The following EPM2AIP1 variants were observed in gnomAD, a reference collection of about 807,000 sequenced individuals.
EPM2AIP1 encodes the protein EPM2A interacting protein 1, also known as EPM2A-interacting protein 1.
EPM2AIP1 carries 23 observed loss-of-function variants against 44.8 expected under a neutral mutation model. The observed-to-expected ratio is 0.51, with a 90% CI of 0.37 to 0.73. EPM2AIP1 has a LOEUF of 0.73. Ranked by LOEUF, EPM2AIP1 falls within the 30% of genes least tolerant of loss-of-function variation. EPM2AIP1 has a pLI of 0.00. For synonymous variants in EPM2AIP1, 311 were observed against 284.3 expected, an observed-to-expected ratio of 1.09 and a Z score of -0.94; for missense variants, 652 against 743.9, an observed-to-expected ratio of 0.88 and a Z score of 1.44.
At position 36,991,861 on chromosome 3, in the gene EPM2AIP1, G is replaced by C; in HGVS notation, c.1217C>G (p.Ala406Gly). The change falls in exon 1 of 1, where the codon GCT (alanine) becomes GGT (glycine). Residue 406 changes from alanine to glycine, a missense_variant. Coordinates refer to ENST00000322716, the MANE Select transcript of EPM2AIP1 (RefSeq NM_014805.4). The stretch of plus-strand genomic sequence containing the variant: ...AGTACAAATATGGTCAAAGGCAGCA[G>C]CAGCAAAGACTTTACTAACTCGTAA... ...EELRVSKVFA[A>G]AAFDHICTFE... 3 of 1,613,812 alleles carry C rather than the reference G, an allele frequency of 1.9e-6. No homozygotes were observed. The highest frequency in any genetic ancestry group is 2.5e-6 in the Non-Finnish European group (3 of 1,179,852).
Position 36,991,269 on chromosome 3 carries a change from A to C in EPM2AIP1, c.1809T>G (p.Asn603Lys). ...CTACAAAGCCTTATGGATTAGATTC[A>C]TTTCTTTCTCTCACAAGGTCATCCC... ...PGWDDLVRER[N>K]ESNP The change falls in exon 1 of 1, where the codon AAT (asparagine) becomes AAG (lysine). Residue 603 changes from asparagine to lysine, a missense_variant. Physicochemically the swap from Asn to Lys is moderately conservative, Grantham distance 94. Transcript: ENST00000322716. 6.2e-7 allele frequency: 1 copy of C among 1,606,534 alleles called. No individual in the cohort carries two copies. Among genetic ancestry groups the C allele is most frequent in the Non-Finnish European group, 8.5e-7 (1 of 1,175,320 alleles).
rs369240123 is a variant in EPM2AIP1, at chr3:36,991,094, GA to G, written c.*159del. Reference sequence around the variant, plus strand: ...TCAGTCCCATGCTGCCATTTGAGATGAAAAAAAAGGCAACTGTCAGAATTTT... The same window carrying G: ...TCAGTCCCATGCTGCCATTTGAGATGAAAAAAAGGCAACTGTCAGAATTTT... On this transcript the variant is annotated 3_prime_UTR_variant, in exon 1 of 1. Transcript: ENST00000322716. 4.7e-5 allele frequency: 63 copies of G among 1,336,806 alleles called. No individual in the cohort carries two copies. The highest frequency in any genetic ancestry group is 2.8e-4 in the Middle Eastern group (1 of 3,582). The allele number at this position is 1,336,806 out of a possible 1,614,324, so 82.8% of individuals were successfully genotyped here.
chr3:36,991,212 A>G lies in EPM2AIP1; in HGVS notation c.*42T>C. The G allele has an allele frequency of 5.3e-6, 8 of 1,509,946 alleles. No homozygotes were observed. The highest frequency in any genetic ancestry group is 7.1e-6 in the Non-Finnish European group (8 of 1,128,050). The allele number at this position is 1,509,946 out of a possible 1,614,324, so 93.5% of individuals were successfully genotyped here. ...ACTCAAACCAATTTTTGCTTTTAGA[A>G]TTAAATTCTTGTTGAGTTTTTCAAT... is the stretch of plus-strand genomic sequence containing the variant. On this transcript the variant is annotated 3_prime_UTR_variant, in exon 1 of 1. Coordinates refer to ENST00000322716, the MANE Select transcript of EPM2AIP1 (RefSeq NM_014805.4).
At position 36,988,269 on chromosome 3, in the gene EPM2AIP1, A is replaced by G. The variant is rs2125687501; in HGVS notation, c.*2985T>C. On this transcript the variant is annotated 3_prime_UTR_variant, in exon 1 of 1. Transcript: ENST00000322716. ...GACTAATAAGGAGGCTGTTGCTATA[A>G]TTTAGGTAGGTTGATGGCCTGAATT... 1 of 152,364 alleles carries G rather than the reference A, an allele frequency of 6.6e-6. No homozygotes were observed. Among genetic ancestry groups the G allele is most frequent in the East Asian group, 1.9e-4 (1 of 5,194 alleles). 9.4% of individuals were successfully genotyped at this position (152,364 alleles called of 1,614,324 possible).
chr3:36,988,431 C>G lies in EPM2AIP1; in HGVS notation c.*2823G>C, dbSNP rs2080781977. 1 of 151,940 alleles carries G rather than the reference C, an allele frequency of 6.6e-6. No individual in the cohort carries two copies. Among genetic ancestry groups the G allele is most frequent in the Non-Finnish European group, 1.5e-5 (1 of 68,014 alleles). 9.4% of individuals were successfully genotyped at this position (151,940 alleles called of 1,614,324 possible). The stretch of plus-strand genomic sequence containing the variant: ...CAATGACATGTAGTGCCTGAGACAG[C>G]AAAGAGCATTTGTTAGCAATTAGAT... On this transcript the variant is annotated 3_prime_UTR_variant, in exon 1 of 1. Transcript: ENST00000322716.
rs751431644 is a variant in EPM2AIP1, at chr3:36,991,098, A to G, written c.*156T>C. 3.7e-6 allele frequency: 5 copies of G among 1,341,796 alleles called. No homozygotes were observed. The highest frequency in any genetic ancestry group is 4.8e-6 in the Non-Finnish European group (5 of 1,045,132). The allele number at this position is 1,341,796 out of a possible 1,614,324, so 83.1% of individuals were successfully genotyped here. On this transcript the variant is annotated 3_prime_UTR_variant, in exon 1 of 1. Coordinates refer to ENST00000322716, the MANE Select transcript of EPM2AIP1 (RefSeq NM_014805.4). ...TCCCATGCTGCCATTTGAGATGAAA[A>G]AAAAGGCAACTGTCAGAATTTTAAT...
rs1432529178 is a variant in EPM2AIP1 at position 36,991,925 on chromosome 3, C to G, written c.1153G>C (p.Val385Leu). The change falls in exon 1 of 1, where the codon GTG becomes CTG. Residue 385 changes from valine (V) to leucine (L), a missense_variant. Physicochemically the swap from Val to Leu is conservative, Grantham distance 32. Coordinates refer to ENST00000322716, the MANE Select transcript of EPM2AIP1 (RefSeq NM_014805.4). ...TCTCGAAGGTGTTCCATAATGTCCA[C>G]CAAGAAGCCAAAGTCACAAAGCCAT... ...KQWLCDFGFL[V>L]DIMEHLRELS... is the part of the protein sequence containing the mutation. 1 of 1,613,956 alleles carries G rather than the reference C, an allele frequency of 6.2e-7. No homozygotes were observed. Among genetic ancestry groups the G allele is most frequent in the Admixed American group, 1.7e-5 (1 of 60,020 alleles).
chr3:36,992,593 C>T lies in EPM2AIP1; in HGVS notation c.485G>A (p.Arg162His). The T allele has an allele frequency of 6.2e-7, 1 of 1,614,016 alleles. No individual in the cohort carries two copies. Among genetic ancestry groups the T allele is most frequent in the East Asian group, 2.2e-5 (1 of 44,886 alleles). The change falls in exon 1 of 1, where the codon CGC (arginine) becomes CAC (histidine). Residue 162 changes from arginine (R) to histidine (H), a missense_variant. Transcript: ENST00000322716. This position sits in a 1 kb window ranked among gnomAD's most constrained non-coding sequence, Gnocchi z 5.3. ...CCTGGCTCGGTTAAAAAGCTGGTTG[C>T]GTAGATTCCTGTCAATGCTCAGGAT... is the stretch of plus-strand genomic sequence containing the variant. ...QRILSIDRNLRNQLFNRARDF... is the reference protein window; with the variant it reads ...QRILSIDRNLHNQLFNRARDF...
chr3:36,989,164 T>C lies in EPM2AIP1; in HGVS notation c.*2090A>G, dbSNP rs2080787697. 1 of 151,964 alleles carries C rather than the reference T, an allele frequency of 6.6e-6. No individual in the cohort carries two copies. The highest frequency in any genetic ancestry group is 1.5e-5 in the Non-Finnish European group (1 of 67,960). The allele number at this position is 151,964 out of a possible 1,614,324, so 9.4% of individuals were successfully genotyped here. A position where few individuals can be genotyped will look rare whatever the true frequency, so the allele number is the denominator to read the frequency against. On this transcript the variant is annotated 3_prime_UTR_variant, in exon 1 of 1. Transcript: ENST00000322716. ...GGAATTTCACAAAATGTACAAGATTTCAATATTTAAGGAACTGGGGTTAGA... is the reference window on the plus strand; with the variant it reads ...GGAATTTCACAAAATGTACAAGATTCCAATATTTAAGGAACTGGGGTTAGA...
At position 36,991,844 on chromosome 3, in the gene EPM2AIP1, T is replaced by C; in HGVS notation, c.1234A>G (p.Ile412Val). Reference protein sequence around the residue: ...KVFAAAAFDHICTFEVKLNLF... With the variant: ...KVFAAAAFDHVCTFEVKLNLF... ...TTCAGCTTAACTTCGAAAGTACAAA[T>C]ATGGTCAAAGGCAGCAGCAGCAAAG... Residue 412 changes from isoleucine (I) to valine (V), a missense_variant, in exon 1 of 1, where the codon ATT (isoleucine) becomes GTT (valine). Transcript: ENST00000322716. 6.2e-7 allele frequency: 1 copy of C among 1,613,766 alleles called. No homozygotes were observed. Among genetic ancestry groups the C allele is most frequent in the Non-Finnish European group, 8.5e-7 (1 of 1,179,832 alleles).
chr3:36,992,216 T>C lies in EPM2AIP1; in HGVS notation c.862A>G (p.Ser288Gly), dbSNP rs748490958. 3.8e-5 allele frequency: 61 copies of C among 1,613,880 alleles called. No homozygotes were observed. Among genetic ancestry groups the C allele is most frequent in the African/African-American group, 1.3e-5 (1 of 74,910 alleles). Residue 288 changes from serine to glycine, a missense_variant, in exon 1 of 1, where the codon AGC becomes GGC. Ser to Gly is a moderately conservative substitution (Grantham distance 56). Coordinates refer to ENST00000322716, the MANE Select transcript of EPM2AIP1 (RefSeq NM_014805.4). The surrounding 1 kb of genome is among the most constrained non-coding windows in gnomAD (Gnocchi z 5.3). ...YSGFLHLELL[S>G]SYDVDVNQII... ...TGATTAACATCTACATCATAGGAGC[T>C]CAACAGTTCCAAGTGAAGAAATCCT...
rs1035230405 is a variant in EPM2AIP1 at position 36,987,335 on chromosome 3, A to G, written c.*3919T>C. On this transcript the variant is annotated 3_prime_UTR_variant, in exon 1 of 1. Transcript: ENST00000322716. The stretch of plus-strand genomic sequence containing the variant: ...TCTTAGGCGGCATTATCTTTTTCCA[A>G]TACTAAATGTAACATTTAGTAAAAA... 1 of 152,452 alleles carries G rather than the reference A, an allele frequency of 6.6e-6. No individual in the cohort carries two copies. Among genetic ancestry groups the G allele is most frequent in the Non-Finnish European group, 1.5e-5 (1 of 67,988 alleles). 9.4% of individuals were successfully genotyped at this position (152,452 alleles called of 1,614,324 possible).
At position 36,990,995 on chromosome 3, in the gene EPM2AIP1, A is replaced by G; in HGVS notation, c.*259T>C. The G allele has an allele frequency of 8.8e-7, 1 of 1,142,738 alleles. No homozygotes were observed. The highest frequency in any genetic ancestry group is 1.1e-6 in the Non-Finnish European group (1 of 928,666). 70.8% of individuals were successfully genotyped at this position (1,142,738 alleles called of 1,614,324 possible). On this transcript the variant is annotated 3_prime_UTR_variant, in exon 1 of 1. Transcript: ENST00000322716. ...ACTCACATTAATACTAAATCTCTTT[A>G]AAATTAACTATATCATAAAAGACAA...
At position 36,988,981 on chromosome 3, in the gene EPM2AIP1, CTTTT is replaced by C. The variant is rs1354264602; in HGVS notation, c.*2269_*2272del. On this transcript the variant is annotated 3_prime_UTR_variant, in exon 1 of 1. Coordinates refer to ENST00000322716, the MANE Select transcript of EPM2AIP1 (RefSeq NM_014805.4). ...AGAAAACAGTAAAATACACTTTTTT[CTTTT>C]TCTTTTTTTTTTTTTTTTTTTACAA... The C allele has an allele frequency of 5.9e-3, 722 of 122,020 alleles. 8 individuals carry two copies. The highest frequency in any genetic ancestry group is 0.024 in the African/African-American group (686 of 28,430). The allele number at this position is 122,020 out of a possible 1,614,324, so 7.6% of individuals were successfully genotyped here. A position where few individuals can be genotyped will look rare whatever the true frequency, so the allele number is the denominator to read the frequency against.
Position 36,991,317 on chromosome 3 carries a change from G to C in EPM2AIP1, c.1761C>G (p.Ala587=). Reference sequence around the variant, plus strand: ...CCCAACCGGGCTCCATTTCAGTTGTGGCAACCCGAAACAGGGCTTGGAGAT... The same window carrying C: ...CCCAACCGGGCTCCATTTCAGTTGTCGCAACCCGAAACAGGGCTTGGAGAT... ...DEHLQALFRV[A]TTEMEPGWDD... is the part of the protein sequence containing the mutation. Residue 587 remains alanine, a synonymous_variant, in exon 1 of 1, where the codon GCC becomes GCG. Transcript: ENST00000322716. 1 of 1,613,866 alleles carries C rather than the reference G, an allele frequency of 6.2e-7. No homozygotes were observed. The highest frequency in any genetic ancestry group is 1.1e-5 in the South Asian group (1 of 91,078).
chr3:36,990,771 C>T lies in EPM2AIP1; in HGVS notation c.*483G>A. The T allele has an allele frequency of 3.0e-6, 3 of 985,550 alleles. No homozygotes were observed. The highest frequency in any genetic ancestry group is 3.6e-6 in the Non-Finnish European group (3 of 829,974). The allele number at this position is 985,550 out of a possible 1,614,324, so 61.1% of individuals were successfully genotyped here. The stretch of plus-strand genomic sequence containing the variant: ...AACATTTTGATGGTTAGACAAAACA[C>T]CTCCACTGTTATGTATGGGCTTCCT... On this transcript the variant is annotated 3_prime_UTR_variant, in exon 1 of 1. Coordinates refer to ENST00000322716, the MANE Select transcript of EPM2AIP1 (RefSeq NM_014805.4).
In EPM2AIP1 at chr3:36,992,208, A is replaced by G. The variant is rs1265590097; in HGVS notation, c.870T>C (p.Tyr290=). The change falls in exon 1 of 1, where the codon TAT becomes TAC. Residue 290 remains tyrosine (Y), a synonymous_variant. Transcript: ENST00000322716. The surrounding 1 kb of genome is among the most constrained non-coding windows in gnomAD (Gnocchi z 5.3). The stretch of plus-strand genomic sequence containing the variant: ...TTATGATCTGATTAACATCTACATC[A>G]TAGGAGCTCAACAGTTCCAAGTGAA... ...GFLHLELLSS[Y]DVDVNQIINT... is the part of the protein sequence containing the mutation. 1 of 1,613,918 alleles carries G rather than the reference A, an allele frequency of 6.2e-7. No homozygotes were observed. Among genetic ancestry groups the G allele is most frequent in the African/African-American group, 1.3e-5 (1 of 74,926 alleles).
rs765675734 is a variant in EPM2AIP1 at position 36,992,753 on chromosome 3, C to A, written c.325G>T (p.Ala109Ser). 4 of 1,613,790 alleles carry A rather than the reference C, an allele frequency of 2.5e-6. No individual in the cohort carries two copies. Among genetic ancestry groups the A allele is most frequent in the Non-Finnish European group, 3.4e-6 (4 of 1,179,902 alleles). The change falls in exon 1 of 1, where the codon GCC (alanine) becomes TCC (serine). Residue 109 changes from alanine (A) to serine (S), a missense_variant. Physicochemically the swap from Ala to Ser is moderately conservative, Grantham distance 99. Coordinates refer to ENST00000322716, the MANE Select transcript of EPM2AIP1 (RefSeq NM_014805.4). The surrounding 1 kb of genome is among the most constrained non-coding windows in gnomAD (Gnocchi z 5.3). Reference sequence around the variant, plus strand: ...TCACCCCAGCCGCGACCCTTCAAGGCCAAGAGGCGGCAGAGCCCGAGGCCT... The same window carrying A: ...TCACCCCAGCCGCGACCCTTCAAGGACAAGAGGCGGCAGAGCCCGAGGCCT... ...RAGLGLCRLL[A>S]LKGRGWGEGD...
Position 36,992,501 on chromosome 3 carries a change from C to T in EPM2AIP1, c.577G>A (p.Val193Ile). 1.2e-6 allele frequency: 2 copies of T among 1,613,938 alleles called. No individual in the cohort carries two copies. Among genetic ancestry groups the T allele is most frequent in the Non-Finnish European group, 1.7e-6 (2 of 1,179,874 alleles). ...AFVAYENYLL[V>I]FIRGVGPELE... ...TCAGGGCCTACACCGCGGATAAAGACCAGGAGGTAGTTCTCATAGGCCACA... is the reference window on the plus strand; with the variant it reads ...TCAGGGCCTACACCGCGGATAAAGATCAGGAGGTAGTTCTCATAGGCCACA... Residue 193 changes from valine (V) to isoleucine (I), a missense_variant, in exon 1 of 1, where the codon GTC becomes ATC. By Grantham distance (29) the Val-to-Ile change is conservative. Transcript: ENST00000322716. This position sits in a 1 kb window ranked among gnomAD's most constrained non-coding sequence, Gnocchi z 5.3.
Sources: allele counts gnomAD v4.1 joint callset, GRCh38; gene constraint gnomAD v4.1.1; non-coding constraint Gnocchi (gnomAD v3.1); transcripts MANE v1.5; gene names NCBI Gene and HGNC (gene_info 2026-07-23, HGNC 2026-07-21).